ARHGAP15: variants seen among roughly 807,000 people sequenced by gnomAD.
The protein encoded by ARHGAP15 is rho GTPase-activating protein 15.
In ARHGAP15, 51 loss-of-function variants were observed where a neutral mutation model predicts 63.7. That is an observed-to-expected ratio of 0.80 (90% CI 0.64 to 1.01). The LOEUF is 1.01. ARHGAP15 is among the 50% of genes least tolerant of loss of function. ARHGAP15 has a pLI of 0.00. For missense variants in ARHGAP15, 560 were observed against 564.6 expected, an observed-to-expected ratio of 0.99 and a Z score of 0.08; for synonymous variants, 191 against 193.8, an observed-to-expected ratio of 0.99 and a Z score of 0.12.
Position 143,252,631 on chromosome 2 carries a change from G to A in ARHGAP15, c.474+2031G>A, listed in dbSNP as rs1213605870. ...AGAAAAGATTCAAGTTTCATGTTCTGTTTCATTCTTTTTGAGTGAATCCCT... is the reference window on the plus strand; with the variant it reads ...AGAAAAGATTCAAGTTTCATGTTCTATTTCATTCTTTTTGAGTGAATCCCT... On this transcript the variant is annotated intron_variant, in intron 6 of 13. Coordinates refer to ENST00000295095, the MANE Select transcript of ARHGAP15 (RefSeq NM_018460.4). 3.9e-5 allele frequency among the ~76,000 whole-genome samples: 6 copies of A among 152,036 alleles called. No individual in the cohort carries two copies. In the East Asian group the frequency reaches 1.2e-3, roughly 29 times the overall value.
intron 12 of ARHGAP15, among the ~76,000 whole-genome samples, chr2:143,654,390 A>G (rs1396600307): frequency 6.6e-6 from 1 of 152,212 alleles, no homozygotes; most frequent in Non-Finnish European, 1.5e-5. Context: ...GAGTTGAGAA[A>G]AGCATAATAT....
intron 12 of ARHGAP15, among the ~76,000 whole-genome samples, chr2:143,693,029 T>G (rs1246653031): frequency 1.3e-5 from 2 of 150,970 alleles, no homozygotes; most frequent in Admixed American, 1.3e-4. Context: ...AAGTGATAGT[T>G]TTTTTTTAAT....
At chr2:143,471,232 G>C in intron 8 of ARHGAP15, among the ~76,000 whole-genome samples, 1 of 146,942 alleles carries the variant, frequency 6.8e-6, no homozygotes, top group African/African-American at 2.5e-5. Flanking sequence ...ACATGTGTAT[G>C]TGTATATGTG....
intron 6 of ARHGAP15, among the ~76,000 whole-genome samples, chr2:143,387,594 A>C (rs1168386926): frequency 6.6e-6 from 1 of 152,198 alleles, no homozygotes; most frequent in Non-Finnish European, 1.5e-5. Context: ...TACACAGAGC[A>C]GGTAGAGAAC....
chr2:143,468,186 GT>G lies in ARHGAP15; in HGVS notation c.704-19177del, dbSNP rs554051061. Among the ~76,000 whole-genome samples, 714 of 147,148 alleles carry G rather than the reference GT, an allele frequency of 4.9e-3. 3 individuals are homozygous for G. Among genetic ancestry groups the G allele is most frequent in the African/African-American group, 0.016 (639 of 40,242 alleles). On this transcript the variant is annotated intron_variant, in intron 8 of 13. Transcript: ENST00000295095. ...GGGGAATGGGAACAAGTTTTTTCTG[GT>G]TTTTTTTTTCTAGCAACATTTCCAT...
chr2:143,135,209 T>C (rs895885667), intron 1 of ARHGAP15, among the ~76,000 whole-genome samples: 6 of 152,244 alleles, frequency 3.9e-5, no homozygotes, highest in African/African-American at 1.2e-4. Context: ...ACATGCTTCA[T>C]AGTTTCTATC....
chr2:143,679,510 C>T (rs1574829836), intron 12 of ARHGAP15, among the ~76,000 whole-genome samples: 1 of 152,236 alleles, frequency 6.6e-6, no homozygotes, highest in East Asian at 1.9e-4. Context: ...AAATCTATTT[C>T]CTTTTTCTTC....
At chr2:143,756,408 A>G (rs929860934) in intron 13 of ARHGAP15, among the ~76,000 whole-genome samples, 2 of 152,184 alleles carry the variant, frequency 1.3e-5, no homozygotes, top group African/African-American at 4.8e-5. Flanking sequence ...GGACTAATTC[A>G]GGTAGAAAAT....
intron 2 of ARHGAP15, among the ~76,000 whole-genome samples, chr2:143,165,801 C>A (rs1690475102): frequency 6.6e-6 from 1 of 151,918 alleles, no homozygotes; most frequent in Non-Finnish European, 1.5e-5. Flanking sequence ...AATGGGTAAC[C>A]TTTCATGGCA....
At chr2:143,317,925 T>C (rs1013952230) in intron 6 of ARHGAP15, among the ~76,000 whole-genome samples, 3 of 151,148 alleles carry the variant, frequency 2.0e-5, no homozygotes, top group African/African-American at 7.2e-5. Context: ...ATTACTTGCA[T>C]AGGGTTTTTG....
At chr2:143,300,773 T>C (rs955307541) in intron 6 of ARHGAP15, among the ~76,000 whole-genome samples, 7 of 151,988 alleles carry the variant, frequency 4.6e-5, no homozygotes, top group Non-Finnish European at 7.4e-5. Flanking sequence ...TTACTCCAAA[T>C]GCAAGGCAGG....
intron 5 of ARHGAP15, among the ~76,000 whole-genome samples, chr2:143,234,318 T>A (rs146611777): frequency 6.6e-5 from 10 of 152,318 alleles, no homozygotes; most frequent in African/African-American, 2.2e-4. Flanking sequence ...ATATCTAAAT[T>A]TGTGTCAGTA....
intron 6 of ARHGAP15, among the ~76,000 whole-genome samples, chr2:143,302,262 C>A (rs1200827878): frequency 1.3e-5 from 2 of 151,886 alleles, no homozygotes; most frequent in African/African-American, 4.8e-5. Flanking sequence ...TAAAATATCA[C>A]CCCCTCCACA....
At chr2:143,406,002 A>T (rs1688184209) in intron 6 of ARHGAP15, among the ~76,000 whole-genome samples, 1 of 151,836 alleles carries the variant, frequency 6.6e-6, no homozygotes, top group African/African-American at 2.4e-5. Flanking sequence ...TTGTAAATTC[A>T]GGTTTTTCTC....
chr2:143,354,787 A>G (rs757353833), intron 6 of ARHGAP15, among the ~76,000 whole-genome samples: 1 of 152,194 alleles, frequency 6.6e-6, no homozygotes, highest in Non-Finnish European at 1.5e-5. Flanking sequence ...ATTAATTTCA[A>G]AGATTTTGCA....
intron 6 of ARHGAP15, among the ~76,000 whole-genome samples, chr2:143,299,302 G>C (rs1384552259): frequency 6.6e-6 from 1 of 151,904 alleles, no homozygotes; most frequent in Admixed American, 6.6e-5. Context: ...CTGAAAATTT[G>C]TTTGGGTTCT....
At position 143,437,041 on chromosome 2, in the gene ARHGAP15, AAGTG is replaced by A. The variant is rs778931663; in HGVS notation, c.703+3_703+6del. 2 of 1,593,808 alleles carry A rather than the reference AAGTG, an allele frequency of 1.3e-6. No individual in the cohort carries two copies. Among genetic ancestry groups the A allele is most frequent in the Non-Finnish European group, 8.5e-7 (1 of 1,174,602 alleles). On this transcript the variant is annotated splice_donor_variant and splice_donor_region_variant and coding_sequence_variant and intron_variant, in exon 8 of 14. Transcript: ENST00000295095. LOFTEE classifies it high-confidence loss of function. ...AGAAACCAGAGCACAGAAAATCTTT[AAGTG>A]AGTATTTTCTTTGACTTGCTCATTT...
chr2:143,737,906 G>A (rs535682488), intron 13 of ARHGAP15, among the ~76,000 whole-genome samples: 66 of 152,090 alleles, frequency 4.3e-4, no homozygotes, highest in South Asian at 2.7e-3. Context: ...ACAGGCATGC[G>A]CCACCACACC....
At chr2:143,408,957 T>C (rs1688328661) in intron 6 of ARHGAP15, among the ~76,000 whole-genome samples, 1 of 151,942 alleles carries the variant, frequency 6.6e-6, no homozygotes, top group African/African-American at 2.4e-5. Context: ...TAATGTTCTC[T>C]TCCTTTAAAG....
Sources: allele counts gnomAD v4.1 joint callset (sites outside exome capture counted in the v4.1 genomes callset), GRCh38; gene constraint gnomAD v4.1.1; transcripts MANE v1.5; gene names NCBI Gene and HGNC (gene_info 2026-07-23, HGNC 2026-07-21).